Variants in CUX2 observed in about 807,000 individuals in gnomAD.
The protein encoded by CUX2 is cut like homeobox 2.
Under a neutral mutation model 144.8 loss-of-function variants are expected in CUX2, and 40 were observed. The ratio of observed to expected loss-of-function variants is 0.28; its 90% CI spans 0.21 to 0.36. The LOEUF is 0.36. Ranked by LOEUF, CUX2 falls within the 10% of genes least tolerant of loss-of-function variation. The probability of loss-of-function intolerance (pLI) is 1.00; values close to 1 mark genes in which losing one functional copy is unlikely to be tolerated. For synonymous variants in CUX2, 827 were observed against 875.6 expected (o/e 0.94, Z 0.98); for missense variants, 1,615 against 1,994.0 (o/e 0.81, Z 3.62).
At chr12:111,110,721 A>G (rs1029667984) in intron 1 of CUX2, among the ~76,000 whole-genome samples, 35 of 152,228 alleles carry the variant, frequency 2.3e-4, no homozygotes, top group Non-Finnish European at 4.1e-4. Flanking sequence ...GTGAAAAAAC[A>G]GTTTTGGCAT....
chr12:111,190,876 C>T lies in CUX2; in HGVS notation c.64-23324C>T, dbSNP rs905960324. Among the ~76,000 whole-genome samples the T allele has an allele frequency of 6.6e-6, 1 of 152,218 alleles. No homozygotes were observed. The highest frequency in any genetic ancestry group is 2.4e-5 in the African/African-American group (1 of 41,456). ...ATGAAACTGACACCCTCCAAGGACCCTCCTCACACTCACCTCCTGTTCGAT... is the reference window on the plus strand; with the variant it reads ...ATGAAACTGACACCCTCCAAGGACCTTCCTCACACTCACCTCCTGTTCGAT... On this transcript the variant is annotated intron_variant, in intron 1 of 21. Coordinates refer to ENST00000261726, the MANE Select transcript of CUX2 (RefSeq NM_015267.4). The surrounding 1 kb of genome is among the most constrained non-coding windows in gnomAD (Gnocchi z 4.0).
Position 111,310,653 on chromosome 12 carries a change from C to T in CUX2, c.1871C>T (p.Ala624Val), listed in dbSNP as rs376543487. ...CTGTCGGATGAGCAGAATGTACTGG[C>T]GCTCAGGACCATCCAAGTGCGGCAG... ...QFLSDEQNVL[A>V]LRTIQVRQRG... The change falls in exon 15 of 22, where the codon GCG becomes GTG. Residue 624 changes from alanine (A) to valine (V), a missense_variant. By Grantham distance (64) the Ala-to-Val change is moderately conservative (BLOSUM62 0). Coordinates refer to ENST00000261726, the MANE Select transcript of CUX2 (RefSeq NM_015267.4). The surrounding 1 kb of genome is among the most constrained non-coding windows in gnomAD (Gnocchi z 7.9). 4.1e-5 allele frequency: 66 copies of T among 1,595,690 alleles called. No individual in the cohort carries two copies. Among genetic ancestry groups the T allele is most frequent in the Middle Eastern group, 1.7e-4 (1 of 6,046 alleles).
At position 111,077,216 on chromosome 12, in the gene CUX2, G is replaced by T. The variant is rs11830764; in HGVS notation, c.63+42976G>T. On this transcript the variant is annotated intron_variant, in intron 1 of 21. Transcript: ENST00000261726. The surrounding 1 kb of genome is among the most constrained non-coding windows in gnomAD (Gnocchi z 4.1). ...AAATAGTGCTCCCAAACCCCGCAGC[G>T]CCCCCGAGGCCCAAGCTGGCCTCTG... Among the ~76,000 whole-genome samples, 180 of 152,162 alleles carry T rather than the reference G, an allele frequency of 1.2e-3. No individual in the cohort carries two copies. The highest frequency in any genetic ancestry group is 4.2e-3 in the African/African-American group (173 of 41,480).
rs1359544603 is a variant in CUX2 at position 111,287,499 on chromosome 12, C to T, written c.302-3919C>T. 2.6e-5 allele frequency among the ~76,000 whole-genome samples: 4 copies of T among 152,220 alleles called. No individual in the cohort carries two copies. Among genetic ancestry groups the T allele is most frequent in the African/African-American group, 7.2e-5 (3 of 41,458 alleles). ...ATCCAGACTTGTAAATTAATTTGTT[C>T]GTGTTGTACAAAGGCAGTGCAGATG... On this transcript the variant is annotated intron_variant, in intron 4 of 21. Coordinates refer to ENST00000261726, the MANE Select transcript of CUX2 (RefSeq NM_015267.4). The surrounding 1 kb of genome is among the most constrained non-coding windows in gnomAD (Gnocchi z 4.2).
chr12:111,210,216 T>A (rs1006460360), intron 1 of CUX2, among the ~76,000 whole-genome samples: 1 of 152,254 alleles, frequency 6.6e-6, no homozygotes, highest in Non-Finnish European at 1.5e-5. Context: ...AAAATAGATA[T>A]AGTGCCATGA....
At chr12:111,049,971 C>T (rs1870183373) in intron 1 of CUX2, among the ~76,000 whole-genome samples, 1 of 152,128 alleles carries the variant, frequency 6.6e-6, no homozygotes, top group African/African-American at 2.4e-5. Context: ...AATGGTTCCA[C>T]CCACCTATGC....
In CUX2 at chr12:111,034,539, A is replaced by G. The variant is rs994713222; in HGVS notation, c.63+299A>G. ...CGGCCGGGCGAGGAGCGGGGAAGGC[A>G]GGGGCTACGGCCTCGGGCAGGGGGC... is the stretch of plus-strand genomic sequence containing the variant. On this transcript the variant is annotated intron_variant, in intron 1 of 21. Transcript: ENST00000261726. This position sits in a 1 kb window ranked among gnomAD's most constrained non-coding sequence, Gnocchi z 4.2. 6.6e-6 allele frequency among the ~76,000 whole-genome samples: 1 copy of G among 151,608 alleles called. No individual in the cohort carries two copies. Among genetic ancestry groups the G allele is most frequent in the Admixed American group, 6.6e-5 (1 of 15,252 alleles).
At chr12:111,079,490 C>T (rs545140711) in intron 1 of CUX2, among the ~76,000 whole-genome samples, 75 of 152,224 alleles carry the variant, frequency 4.9e-4, no homozygotes, top group African/African-American at 1.7e-3. Context: ...AAGCCCCTTC[C>T]CAGGCCCTGA....
intron 4 of CUX2, among the ~76,000 whole-genome samples, chr12:111,278,802 G>A (rs1193992708): frequency 1.3e-5 from 2 of 152,190 alleles, no homozygotes; most frequent in African/African-American, 4.8e-5. Context: ...TTTAGCTGAT[G>A]CATCGAATAA....
chr12:111,110,978 C>G (rs1051608182), intron 1 of CUX2, among the ~76,000 whole-genome samples: 1 of 152,182 alleles, frequency 6.6e-6, no homozygotes, highest in Non-Finnish European at 1.5e-5. Flanking sequence ...CTGCTGGTGC[C>G]TCTTGCCAGA....
intron 4 of CUX2, chr12:111,270,648 A>C (rs928906734): frequency 4.6e-5 from 7 of 151,972 alleles, no homozygotes; most frequent in Admixed American, 2.6e-4. Context: ...AAAAGGAAAA[A>C]AAAAAAAAAA....
intron 4 of CUX2, among the ~76,000 whole-genome samples, chr12:111,264,448 T>C (rs1339785408): frequency 6.6e-6 from 1 of 152,130 alleles, no homozygotes; most frequent in African/African-American, 2.4e-5. Context: ...TGAAAAGGCA[T>C]GGAGGGCCGG....
At chr12:111,046,813 C>T (rs746738766) in intron 1 of CUX2, among the ~76,000 whole-genome samples, 2 of 152,150 alleles carry the variant, frequency 1.3e-5, no homozygotes, top group Non-Finnish European at 2.9e-5. Context: ...TGTGCCACTA[C>T]GCCTGGCTGA....
chr12:111,276,124 G>T (rs1292140361), intron 4 of CUX2, among the ~76,000 whole-genome samples: 3 of 152,088 alleles, frequency 2.0e-5, no homozygotes, highest in African/African-American at 7.2e-5. Context: ...AGGCTGAGGC[G>T]GGAGGATTGC....
chr12:111,323,167 C>A (rs752899867), intron 18 of CUX2, among the ~76,000 whole-genome samples: 1 of 152,204 alleles, frequency 6.6e-6, no homozygotes, highest in African/African-American at 2.4e-5. Context: ...GGTGAGGCAC[C>A]TACCCGGGCC....
chr12:111,104,415 A>G (rs534307825), intron 1 of CUX2, among the ~76,000 whole-genome samples: 20 of 152,330 alleles, frequency 1.3e-4, no homozygotes, highest in African/African-American at 4.8e-4. Context: ...CCCAGGAATT[A>G]TCTTCTGAAC....
intron 10 of CUX2, among the ~76,000 whole-genome samples, chr12:111,306,540 GTCTAA>G (rs1886592085): frequency 6.6e-6 from 1 of 152,126 alleles, no homozygotes; most frequent in Non-Finnish European, 1.5e-5. Context: ...AAGGTGTCAA[GTCTAA>G]TCCTGAGGGT....
intron 1 of CUX2, among the ~76,000 whole-genome samples, chr12:111,074,710 C>T (rs962885812): frequency 6.6e-6 from 1 of 152,018 alleles, no homozygotes; most frequent in African/African-American, 2.4e-5. Context: ...TGATTTCTGG[C>T]TGCAGTTCTT....
intron 1 of CUX2, among the ~76,000 whole-genome samples, chr12:111,194,821 G>A (rs751568094): frequency 2.0e-5 from 3 of 152,208 alleles, no homozygotes; most frequent in African/African-American, 7.2e-5. Context: ...TCCAGTTCGC[G>A]AGCAGCCCCA....
Sources: gnomAD v4.1 joint callset for allele counts (sites outside exome capture counted in the v4.1 genomes callset) on GRCh38, gnomAD v4.1.1 for gene constraint, Gnocchi (gnomAD v3.1) non-coding constraint, MANE v1.5 for transcripts, NCBI Gene and HGNC (gene_info 2026-07-23, HGNC 2026-07-21) for gene names.